Variants in PCSK5 observed in about 807,000 individuals in gnomAD.
PCSK5 encodes prohormone convertase 5.
PCSK5 carries 129 observed loss-of-function variants against 233.2 expected under a neutral mutation model. The ratio of observed to expected loss-of-function variants is 0.55; its 90% CI spans 0.48 to 0.64. The LOEUF is 0.64. PCSK5 is among the 30% of genes least tolerant of loss of function. The pLI is 0.00. For synonymous variants in PCSK5, 825 were observed against 879.2 expected, an observed-to-expected ratio of 0.94 and a Z score of 1.09; for missense variants, 2,076 against 2,430.1, an observed-to-expected ratio of 0.85 and a Z score of 3.06.
At chr9:76,166,846 C>G (rs893143923) in intron 12 of PCSK5, among the ~76,000 whole-genome samples, 7 of 152,172 alleles carry the variant, frequency 4.6e-5, no homozygotes, top group Admixed American at 1.3e-4. Flanking sequence ...CAACATCTCT[C>G]TGTTAGAAAG....
In PCSK5 at chr9:76,339,090, C is replaced by T. The variant is rs1401341140; in HGVS notation, c.4966+643C>T. 2.0e-5 allele frequency among the ~76,000 whole-genome samples: 3 copies of T among 151,738 alleles called. No homozygotes were observed. In the East Asian group the frequency reaches 5.8e-4, roughly 29 times the overall value. On this transcript the variant is annotated intron_variant, in intron 35 of 37. Coordinates refer to ENST00000674117, the MANE Select transcript of PCSK5 (RefSeq NM_001372043.1). ...TTTTGAAGCAGCCAGCAGGTCACCC[C>T]AACTCTCAATCTTGCCCCCACACCA...
At chr9:76,159,249 G>A (rs1331555411) in intron 12 of PCSK5, 78 bp downstream of exon 12, 1 of 1,341,408 alleles carries the variant, frequency 7.5e-7, no homozygotes, top group Non-Finnish European at 1.0e-6. Flanking sequence ...GGGAACAGCT[G>A]CTGCTTTCAC....
chr9:76,097,803 G>A (rs1831598937), intron 8 of PCSK5, among the ~76,000 whole-genome samples: 1 of 152,208 alleles, frequency 6.6e-6, no homozygotes, highest in African/African-American at 2.4e-5. Flanking sequence ...AACTTTTCGG[G>A]GATGCCCAAC....
intron 8 of PCSK5, 55 bp downstream of exon 8, chr9:76,096,157 A>G: frequency 9.0e-7 from 1 of 1,114,218 alleles, no homozygotes; most frequent in Non-Finnish European, 1.4e-6. Flanking sequence ...TCACTTTGAA[A>G]TACAAAGGGA....
intron 20 of PCSK5, among the ~76,000 whole-genome samples, chr9:76,193,045 C>G (rs917845765): frequency 1.3e-5 from 2 of 150,774 alleles, no homozygotes; most frequent in South Asian, 4.2e-4. Context: ...TGTCTCTCCT[C>G]TCCTTGAAAA....
Position 75,968,385 on chromosome 9 carries a change from T to C in PCSK5, c.298-17747T>C, listed in dbSNP as rs189863748. On this transcript the variant is annotated intron_variant, in intron 2 of 37. Coordinates refer to ENST00000674117, the MANE Select transcript of PCSK5 (RefSeq NM_001372043.1). Reference sequence around the variant, plus strand: ...GGTAAGTTAATTTATTCAGCAAACATGTATTGCACATCCGTTATCAGTCAA... The same window carrying C: ...GGTAAGTTAATTTATTCAGCAAACACGTATTGCACATCCGTTATCAGTCAA... 1.1e-3 allele frequency among the ~76,000 whole-genome samples: 169 copies of C among 152,332 alleles called. 1 individual carries two copies. Among genetic ancestry groups the C allele is most frequent in the Non-Finnish European group, 1.5e-3 (105 of 68,038 alleles).
intron 1 of PCSK5, among the ~76,000 whole-genome samples, chr9:75,923,359 CT>C (rs1490854519): frequency 6.6e-6 from 1 of 152,086 alleles, no homozygotes; most frequent in Non-Finnish European, 1.5e-5. Flanking sequence ...TACACAGTGG[CT>C]TTGAATAGAT....
intron 6 of PCSK5, 52 bp from the exon 7 acceptor site, chr9:76,071,674 G>A: frequency 2.1e-6 from 3 of 1,452,946 alleles, no homozygotes; most frequent in Non-Finnish European, 2.8e-6. Context: ...TGTTCTTTGA[G>A]TGTTGTGTAG....
chr9:76,032,047 A>G (rs1473813171), intron 5 of PCSK5, among the ~76,000 whole-genome samples: 1 of 152,096 alleles, frequency 6.6e-6, no homozygotes, highest in Non-Finnish European at 1.5e-5. Flanking sequence ...TCTACAGTAA[A>G]TCTGCTTTTC....
intron 3 of PCSK5, among the ~76,000 whole-genome samples, chr9:76,015,673 C>G (rs2131465291): frequency 6.6e-6 from 1 of 152,252 alleles, no homozygotes; most frequent in East Asian, 1.9e-4. Flanking sequence ...GCTTTAGAAT[C>G]ATATACTGGA....
chr9:76,294,666 GA>G (rs1335594559), intron 25 of PCSK5, among the ~76,000 whole-genome samples: 1 of 151,992 alleles, frequency 6.6e-6, no homozygotes, highest in Non-Finnish European at 1.5e-5. Flanking sequence ...GATTTGTGGA[GA>G]TTTAGATGAG....
At chr9:76,188,467 T>C in intron 17 of PCSK5, 111 bp from the exon 18 acceptor site, 1 of 679,098 alleles carries the variant, frequency 1.5e-6, no homozygotes, top group Non-Finnish European at 2.6e-6. Flanking sequence ...CTTTGCCAAA[T>C]CCACTGGCCT....
intron 8 of PCSK5, among the ~76,000 whole-genome samples, chr9:76,101,328 A>C (rs1172931580): frequency 6.6e-5 from 10 of 152,216 alleles, no homozygotes; most frequent in Non-Finnish European, 5.9e-5. Flanking sequence ...TTCTGTCGGT[A>C]GGTTGGTGAA....
intron 20 of PCSK5, among the ~76,000 whole-genome samples, chr9:76,197,285 G>A (rs1001189873): frequency 2.6e-5 from 4 of 152,198 alleles, no homozygotes; most frequent in African/African-American, 4.8e-5. Flanking sequence ...ACATCCATGG[G>A]AGACTGCTAA....
intron 9 of PCSK5, among the ~76,000 whole-genome samples, chr9:76,109,446 A>AG (rs1832115384): frequency 6.6e-6 from 1 of 151,750 alleles, no homozygotes; most frequent in African/African-American, 2.4e-5. Flanking sequence ...TTTTAAAAAA[A>AG]AAACAGTTCT....
At chr9:76,150,461 C>T (rs1173230431) in intron 10 of PCSK5, among the ~76,000 whole-genome samples, 1 of 152,100 alleles carries the variant, frequency 6.6e-6, no homozygotes, top group Non-Finnish European at 1.5e-5. Context: ...TGGTGAAACC[C>T]CATCTCTACT....
At chr9:76,105,551 A>G (rs1831943468) in intron 8 of PCSK5, among the ~76,000 whole-genome samples, 1 of 152,250 alleles carries the variant, frequency 6.6e-6, no homozygotes, top group African/African-American at 2.4e-5. Flanking sequence ...CAATAAAAAA[A>G]TACCTGTTTA....
intron 24 of PCSK5, among the ~76,000 whole-genome samples, chr9:76,290,782 C>A (rs1252080897): frequency 6.6e-6 from 1 of 152,202 alleles, no homozygotes; most frequent in Non-Finnish European, 1.5e-5. Flanking sequence ...GGTTATATAG[C>A]ATGAAAGCAT....
chr9:76,238,986 A>T lies in PCSK5; in HGVS notation c.2894A>T (p.Tyr965Phe). ...ADNYGREHFL[Y>F]QGECGDSCPE... The stretch of plus-strand genomic sequence containing the variant: ...AACTATGGCCGAGAGCACTTCCTGT[A>T]CCAGGGAGAGTGTGGAGATAGCTGC... Residue 965 changes from tyrosine (Y) to phenylalanine (F), a missense_variant, in exon 23 of 38, where the codon TAC becomes TTC. Around this residue, in one of 6 missense-constraint regions of PCSK5, gnomAD observed 1,510 missense variants for 1,538.1 expected, o/e 0.98. Transcript: ENST00000674117. 1 of 1,612,316 alleles carries T rather than the reference A, an allele frequency of 6.2e-7. No individual in the cohort carries two copies. Among genetic ancestry groups the T allele is most frequent in the Non-Finnish European group, 8.5e-7 (1 of 1,179,704 alleles).
Sources: gnomAD v4.1 joint callset for allele counts (sites outside exome capture counted in the v4.1 genomes callset) on GRCh38, gnomAD v4.1.1 for gene constraint, gnomAD v4.1.1 regional missense constraint, MANE v1.5 for transcripts, NCBI Gene and HGNC (gene_info 2026-07-23, HGNC 2026-07-21) for gene names.